Variants in ENPP3 observed in about 807,000 individuals in gnomAD.
ENPP3 encodes ectonucleotide pyrophosphatase/phosphodiesterase family member 3.
A neutral mutation model predicts 117.8 loss-of-function variants in ENPP3; 104 were observed. The ratio of observed to expected loss-of-function variants is 0.88; its 90% CI spans 0.75 to 1.04. The LOEUF (loss-of-function observed/expected upper bound fraction) is 1.04. ENPP3 is among the 50% of genes least tolerant of loss of function. The pLI is 0.00. For synonymous variants in ENPP3, 380 were observed against 349.9 expected, an observed-to-expected ratio of 1.09 and a Z score of -0.96; for missense variants, 1,026 against 1,051.9, an observed-to-expected ratio of 0.98 and a Z score of 0.34.
At chr6:131,728,283 G>T (rs892080096) in intron 20 of ENPP3, among the ~76,000 whole-genome samples, 10 of 152,232 alleles carry the variant, frequency 6.6e-5, no homozygotes, top group African/African-American at 2.2e-4. Flanking sequence ...GGTATGAGGG[G>T]TTGTGTGGCA....
At chr6:131,717,460 G>A (rs1001199823) in intron 15 of ENPP3, among the ~76,000 whole-genome samples, 1 of 150,438 alleles carries the variant, frequency 6.6e-6, no homozygotes, top group Non-Finnish European at 1.5e-5. Flanking sequence ...GAATCTTTTA[G>A]GGCCAGCCTT....
In ENPP3 at chr6:131,726,951, G is replaced by C. The variant is rs1780167759; in HGVS notation, c.1953+751G>C. Among the ~76,000 whole-genome samples, 3 of 152,166 alleles carry C rather than the reference G, an allele frequency of 2.0e-5. No homozygotes were observed. The South Asian group carries it at 6.2e-4, about 32-fold the overall frequency. The stretch of plus-strand genomic sequence containing the variant: ...ATATTCCCTTTGTGCATATCTTTAT[G>C]ATCTTGTGATAGAGAAGGCTTTCTC... On this transcript the variant is annotated intron_variant, in intron 20 of 24. Transcript: ENST00000357639.
At chr6:131,690,645 G>A (rs979911149) in intron 14 of ENPP3, among the ~76,000 whole-genome samples, 3 of 152,238 alleles carry the variant, frequency 2.0e-5, no homozygotes, top group Middle Eastern at 6.8e-3. Flanking sequence ...AATCTCTGAG[G>A]ATGGAGTGCA....
At chr6:131,651,175 A>T (rs1021405964) in intron 3 of ENPP3, among the ~76,000 whole-genome samples, 45 of 151,716 alleles carry the variant, frequency 3.0e-4, no homozygotes, top group African/African-American at 1.0e-3. Flanking sequence ...CTACCTCGGC[A>T]TCCCAAAGTG....
intron 20 of ENPP3, among the ~76,000 whole-genome samples, chr6:131,730,378 T>C (rs1441867382): frequency 6.6e-6 from 1 of 152,190 alleles, no homozygotes; most frequent in Non-Finnish European, 1.5e-5. Flanking sequence ...TTCCAGACTC[T>C]GCCACCTGAA....
intron 6 of ENPP3, among the ~76,000 whole-genome samples, chr6:131,670,683 G>T (rs1307284273): frequency 1.3e-5 from 2 of 151,986 alleles, no homozygotes; most frequent in African/African-American, 4.8e-5. Context: ...TACAGAAATG[G>T]GGTTTCATTG....
In ENPP3 at chr6:131,701,316, A is replaced by G. The variant is rs774285761; in HGVS notation, c.1412+7692A>G. 41 of 1,609,948 alleles carry G rather than the reference A, an allele frequency of 2.5e-5. No homozygotes were observed. Among genetic ancestry groups the G allele is most frequent in the Admixed American group, 2.0e-4 (12 of 59,742 alleles). The stretch of plus-strand genomic sequence containing the variant: ...GGTGAAGACGTAGAACAGGGAGAAG[A>G]GCCCAAAGAGGAGCATCTGAATCCT... On this transcript the variant is annotated intron_variant, in intron 15 of 24. Coordinates refer to ENST00000357639, the MANE Select transcript of ENPP3 (RefSeq NM_005021.5).
intron 14 of ENPP3, 61 bp from the exon 15 acceptor site, chr6:131,693,436 A>C: frequency 6.8e-7 from 1 of 1,465,638 alleles, no homozygotes; most frequent in Non-Finnish European, 9.3e-7. Context: ...GTAGAAGATG[A>C]ACTTTTAAAA....
At chr6:131,731,372 A>G (rs1261238551) in intron 20 of ENPP3, among the ~76,000 whole-genome samples, 1 of 152,302 alleles carries the variant, frequency 6.6e-6, no homozygotes, top group Admixed American at 6.5e-5. Flanking sequence ...AACTGACAGT[A>G]TCTAGTTTCT....
intron 2 of ENPP3, among the ~76,000 whole-genome samples, chr6:131,648,977 A>G (rs544439080): frequency 8.5e-4 from 130 of 152,290 alleles, no homozygotes; most frequent in Admixed American, 1.8e-3. Context: ...ATTTGCTTAG[A>G]TATATGGAAA....
intron 7 of ENPP3, 27 bp from the exon 8 acceptor site, chr6:131,674,135 A>G (rs1451184679): frequency 7.2e-7 from 1 of 1,385,564 alleles, no homozygotes. Context: ...ATTTTATCTT[A>G]CATCTTTTTT....
chr6:131,690,814 T>C (rs1779261101), intron 14 of ENPP3, among the ~76,000 whole-genome samples: 1 of 151,898 alleles, frequency 6.6e-6, no homozygotes, highest in Non-Finnish European at 1.5e-5. Flanking sequence ...GAGTAAAAAC[T>C]GTGGACATTC....
At chr6:131,677,988 A>T in intron 11 of ENPP3, 48 bp downstream of exon 11, 3 of 1,125,648 alleles carry the variant, frequency 2.7e-6, no homozygotes, top group Non-Finnish European at 1.3e-6. Flanking sequence ...AAAATCATCT[A>T]ACCCTAACCC....
At chr6:131,744,802 TACACACACACACAC>T (rs72401502) in intron 24 of ENPP3, among the ~76,000 whole-genome samples, 2 of 146,766 alleles carry the variant, frequency 1.4e-5, no homozygotes, top group South Asian at 2.2e-4. Context: ...AGGTCATTTA[TACACACACACACAC>T]ACACACACAC....
chr6:131,679,072 T>G (rs1050473584), intron 11 of ENPP3, among the ~76,000 whole-genome samples: 44 of 137,608 alleles, frequency 3.2e-4, no homozygotes, highest in Non-Finnish European at 5.8e-4. Context: ...TTTCTTTCTT[T>G]CTTTCTTTCT....
chr6:131,744,960 G>A (rs900304673), intron 24 of ENPP3, among the ~76,000 whole-genome samples: 2 of 152,114 alleles, frequency 1.3e-5, no homozygotes, highest in African/African-American at 4.8e-5. Flanking sequence ...TGGTGCCAGC[G>A]ACTTACTCAG....
intron 23 of ENPP3, among the ~76,000 whole-genome samples, chr6:131,739,180 C>T (rs1780468554): frequency 6.6e-6 from 1 of 152,194 alleles, no homozygotes. Flanking sequence ...AGAATATGAA[C>T]CCAGACAGCC....
At chr6:131,680,827 G>A (rs1779007637) in intron 11 of ENPP3, among the ~76,000 whole-genome samples, 1 of 152,154 alleles carries the variant, frequency 6.6e-6, no homozygotes, top group African/African-American at 2.4e-5. Context: ...GTGAGAGTTG[G>A]GAACTGGCAT....
intron 1 of ENPP3, among the ~76,000 whole-genome samples, chr6:131,639,042 C>G (rs1414553824): frequency 6.6e-6 from 1 of 151,874 alleles, no homozygotes; most frequent in East Asian, 1.9e-4. Context: ...ACCAATCTTG[C>G]CGCAGCTTTT....
Sources: gnomAD v4.1 joint callset for allele counts (sites outside exome capture counted in the v4.1 genomes callset) on GRCh38, gnomAD v4.1.1 for gene constraint, MANE v1.5 for transcripts, NCBI Gene and HGNC (gene_info 2026-07-23, HGNC 2026-07-21) for gene names.